The following GABRB3 variants were observed in gnomAD, a reference collection of about 807,000 sequenced individuals.
GABRB3 encodes gamma-aminobutyric acid receptor subunit beta-3.
In GABRB3, 14 loss-of-function variants were observed where a neutral mutation model predicts 52.1. The observed-to-expected ratio is 0.27, with a 90% CI of 0.18 to 0.42. The LOEUF (loss-of-function observed/expected upper bound fraction) is 0.42. Among genes scored for constraint, GABRB3 ranks in the 10% least tolerant of loss-of-function variants. The probability of loss-of-function intolerance (pLI) is 1.00; values close to 1 mark genes in which losing one functional copy is unlikely to be tolerated. For synonymous variants in GABRB3, 260 were observed against 232.3 expected (o/e 1.12, Z -1.08); for missense variants, 307 against 609.1 (o/e 0.50, Z 5.22).
chr15:26,555,821 G>A (rs186259964), intron 8 of GABRB3, among the ~76,000 whole-genome samples: 3 of 152,210 alleles, frequency 2.0e-5, no homozygotes, highest in African/African-American at 7.2e-5. Context: ...TAAATAGTTT[G>A]GCTGCTTTAT....
chr15:26,660,819 T>C (rs969348904), intron 3 of GABRB3, among the ~76,000 whole-genome samples: 10 of 152,206 alleles, frequency 6.6e-5, no homozygotes, highest in Non-Finnish European at 1.0e-4. Context: ...TAATGAATTA[T>C]AAAGATATTT....
At position 26,545,398 on chromosome 15, in the gene GABRB3, C is replaced by T. The variant is rs1889196680; in HGVS notation, c.*2395G>A. 1 of 152,338 alleles carries T rather than the reference C, an allele frequency of 6.6e-6. No homozygotes were observed. Among genetic ancestry groups the T allele is most frequent in the Non-Finnish European group, 1.5e-5 (1 of 68,014 alleles). 9.4% of individuals were successfully genotyped at this position (152,338 alleles called of 1,614,324 possible). A position where few individuals can be genotyped will look rare whatever the true frequency, so the allele number is the denominator to read the frequency against. The stretch of plus-strand genomic sequence containing the variant: ...GAAGGAGACTGCAGCTCTTTGGAGC[C>T]CCATGGGGTCTCTGCCTTTGATATT... On this transcript the variant is annotated 3_prime_UTR_variant, in exon 9 of 9. Coordinates refer to ENST00000311550, the MANE Select transcript of GABRB3 (RefSeq NM_000814.6).
intron 3 of GABRB3, among the ~76,000 whole-genome samples, chr15:26,656,794 G>A (rs1009501265): frequency 1.3e-5 from 2 of 152,170 alleles, no homozygotes; most frequent in Non-Finnish European, 2.9e-5. Context: ...TGTCTTCCAC[G>A]AAACAGATGC....
At chr15:26,671,799 T>G (rs1357296041) in intron 3 of GABRB3, among the ~76,000 whole-genome samples, 2 of 152,232 alleles carry the variant, frequency 1.3e-5, no homozygotes, top group East Asian at 3.9e-4. Flanking sequence ...CCCTCCCCAG[T>G]GCCACGGGGG....
At chr15:26,633,197 G>T (rs1318680607) in intron 3 of GABRB3, among the ~76,000 whole-genome samples, 2 of 152,146 alleles carry the variant, frequency 1.3e-5, no homozygotes, top group Non-Finnish European at 2.9e-5. Context: ...AATGTATCAG[G>T]TCACTAGCTT....
At chr15:26,682,261 G>A (rs967362861) in intron 3 of GABRB3, among the ~76,000 whole-genome samples, 16 of 152,090 alleles carry the variant, frequency 1.1e-4, no homozygotes, top group African/African-American at 3.6e-4. Context: ...TGGAATCCTG[G>A]GATGAGCGCT....
chr15:26,625,200 T>C (rs1029450307), intron 3 of GABRB3, among the ~76,000 whole-genome samples: 3 of 151,792 alleles, frequency 2.0e-5, no homozygotes, highest in Admixed American at 6.6e-5. Context: ...CACAATAAAG[T>C]GGAGTGAGCT....
intron 3 of GABRB3, among the ~76,000 whole-genome samples, chr15:26,662,670 A>G (rs1887587485): frequency 6.6e-6 from 1 of 152,160 alleles, no homozygotes; most frequent in Non-Finnish European, 1.5e-5. Flanking sequence ...AGCAATCACA[A>G]GAGAAAGGCC....
At chr15:26,633,129 A>G (rs1426040905) in intron 3 of GABRB3, among the ~76,000 whole-genome samples, 1 of 152,232 alleles carries the variant, frequency 6.6e-6, no homozygotes, top group Non-Finnish European at 1.5e-5. Flanking sequence ...CTTTGCTCTC[A>G]AATCCCAAGT....
At chr15:26,704,410 T>C (rs1876483266) in intron 3 of GABRB3, among the ~76,000 whole-genome samples, 1 of 152,190 alleles carries the variant, frequency 6.6e-6, no homozygotes, top group South Asian at 2.1e-4. Context: ...CCTATTGTCT[T>C]GATGTATATA....
intron 3 of GABRB3, among the ~76,000 whole-genome samples, chr15:26,722,541 A>G (rs1416778829): frequency 1.3e-5 from 2 of 152,192 alleles, no homozygotes; most frequent in African/African-American, 4.8e-5. Context: ...GGGAAATTCT[A>G]AGGCAATTTA....
Position 26,621,231 on chromosome 15 carries a change from A to T in GABRB3, c.461+83T>A. The T allele has an allele frequency of 9.3e-7, 1 of 1,075,082 alleles. No individual in the cohort carries two copies. The allele number at this position is 1,075,082 out of a possible 1,614,324, so 66.6% of individuals were successfully genotyped here. ...CTAATTTATCTGAGGTCATTGCCTCACTTACAATAATCATCTCAAGTGAGA... is the reference window on the plus strand; with the variant it reads ...CTAATTTATCTGAGGTCATTGCCTCTCTTACAATAATCATCTCAAGTGAGA... On this transcript the variant is annotated intron_variant, in intron 4 of 8. Coordinates refer to ENST00000311550, the MANE Select transcript of GABRB3 (RefSeq NM_000814.6). The surrounding 1 kb of genome is among the most constrained non-coding windows in gnomAD (Gnocchi z 4.1).
chr15:26,568,224 A>C (rs1322116542), intron 6 of GABRB3, among the ~76,000 whole-genome samples: 1 of 152,118 alleles, frequency 6.6e-6, no homozygotes, highest in East Asian at 1.9e-4. Flanking sequence ...CCTAAGAATG[A>C]GAGAGGCAGA....
intron 4 of GABRB3, among the ~76,000 whole-genome samples, chr15:26,586,166 T>C (rs987083665): frequency 2.0e-5 from 3 of 151,900 alleles, no homozygotes; most frequent in South Asian, 2.1e-4. Flanking sequence ...GCCCAGCTAA[T>C]TTTTTTGCAT....
At chr15:26,638,286 G>A (rs1365792864) in intron 3 of GABRB3, among the ~76,000 whole-genome samples, 1 of 152,152 alleles carries the variant, frequency 6.6e-6, no homozygotes, top group African/African-American at 2.4e-5. Flanking sequence ...CTGAGAGCTT[G>A]TTCTCTTTAT....
chr15:26,634,715 A>G (rs2140563167), intron 3 of GABRB3, among the ~76,000 whole-genome samples: 1 of 152,054 alleles, frequency 6.6e-6, no homozygotes, highest in Middle Eastern at 3.4e-3. Context: ...TCAACACAAT[A>G]TAATATGAAT....
chr15:26,626,922 C>A (rs1402146668), intron 3 of GABRB3, among the ~76,000 whole-genome samples: 1 of 152,194 alleles, frequency 6.6e-6, no homozygotes, highest in African/African-American at 2.4e-5. Flanking sequence ...TGGAAGAAGT[C>A]TTTTCTAATG....
intron 3 of GABRB3, among the ~76,000 whole-genome samples, chr15:26,720,209 A>T (rs1889607466): frequency 6.6e-6 from 1 of 151,538 alleles, no homozygotes; most frequent in South Asian, 2.1e-4. Context: ...AAATCCTATA[A>T]AACGGCCCTA....
intron 3 of GABRB3, among the ~76,000 whole-genome samples, chr15:26,683,249 A>T (rs1306236663): frequency 6.6e-6 from 1 of 152,220 alleles, no homozygotes; most frequent in Non-Finnish European, 1.5e-5. Flanking sequence ...AAAATTAATA[A>T]ATTGTATTAT....
Sources: gnomAD v4.1 joint callset for allele counts (sites outside exome capture counted in the v4.1 genomes callset) on GRCh38, gnomAD v4.1.1 for gene constraint, Gnocchi (gnomAD v3.1) non-coding constraint, MANE v1.5 for transcripts, NCBI Gene and HGNC (gene_info 2026-07-23, HGNC 2026-07-21) for gene names.